Variants in MYO3A observed in about 807,000 individuals in gnomAD.
MYO3A encodes the protein myosin-IIIa.
Under a neutral mutation model 192.7 loss-of-function variants are expected in MYO3A, and 180 were observed. The ratio of observed to expected loss-of-function variants is 0.93; its 90% CI spans 0.83 to 1.06. The LOEUF (loss-of-function observed/expected upper bound fraction) is 1.06. MYO3A is among the 50% of genes least tolerant of loss of function. The probability of loss-of-function intolerance (pLI) is 0.00; values close to 1 mark genes in which losing one functional copy is unlikely to be tolerated. For missense variants in MYO3A, 1,896 were observed against 1,905.0 expected (o/e 1.00, Z 0.09); for synonymous variants, 628 against 645.3 (o/e 0.97, Z 0.41).
At chr10:25,957,631 A>G (rs529559701) in intron 4 of MYO3A, among the ~76,000 whole-genome samples, 2 of 152,258 alleles carry the variant, frequency 1.3e-5, no homozygotes, top group East Asian at 1.9e-4. Context: ...GCTGGGTTTC[A>G]TGGTAGTTCT....
At chr10:26,084,233 T>G (rs543530052) in intron 14 of MYO3A, among the ~76,000 whole-genome samples, 19 of 152,342 alleles carry the variant, frequency 1.2e-4, no homozygotes, top group Admixed American at 8.5e-4. Context: ...GTTAATATGT[T>G]GAATCATATT....
At chr10:25,965,996 G>A (rs1213805197) in intron 4 of MYO3A, among the ~76,000 whole-genome samples, 2 of 150,618 alleles carry the variant, frequency 1.3e-5, no homozygotes, top group South Asian at 2.1e-4. Context: ...GCCTCCTTCA[G>A]CAATATGAAG....
At chr10:26,119,326 C>T (rs1418816494) in intron 17 of MYO3A, among the ~76,000 whole-genome samples, 1 of 152,098 alleles carries the variant, frequency 6.6e-6, no homozygotes. Flanking sequence ...GTCTGCCTCC[C>T]CACGGCCTGA....
At chr10:26,077,245 T>TTG (rs1835646230) in intron 14 of MYO3A, among the ~76,000 whole-genome samples, 1 of 144,752 alleles carries the variant, frequency 6.9e-6, no homozygotes, top group African/African-American at 2.5e-5. Flanking sequence ...TTTTTTTTTT[T>TTG]TTTTTTTTTT....
At chr10:25,946,974 G>A (rs925178783) in intron 2 of MYO3A, among the ~76,000 whole-genome samples, 2 of 149,490 alleles carry the variant, frequency 1.3e-5, no homozygotes, top group African/African-American at 4.9e-5. Context: ...AATTTGTGAG[G>A]TTTTTGGCCA....
chr10:25,972,841 T>C (rs2130741327), intron 4 of MYO3A, among the ~76,000 whole-genome samples: 1 of 152,240 alleles, frequency 6.6e-6, no homozygotes, highest in Middle Eastern at 3.4e-3. Flanking sequence ...TGTCAGCTGA[T>C]TCCTCTGTTG....
intron 4 of MYO3A, among the ~76,000 whole-genome samples, chr10:25,971,646 A>G (rs1257726737): frequency 3.3e-5 from 5 of 152,100 alleles, no homozygotes; most frequent in Non-Finnish European, 7.4e-5. Context: ...TTTTTCCTTT[A>G]GCACCTTGAA....
intron 31 of MYO3A, among the ~76,000 whole-genome samples, chr10:26,184,878 G>C (rs953727221): frequency 8.5e-5 from 13 of 152,152 alleles, no homozygotes; most frequent in African/African-American, 3.1e-4. Context: ...TGTAATTAAG[G>C]GGTTAGGATG....
intron 17 of MYO3A, among the ~76,000 whole-genome samples, chr10:26,097,356 CA>C (rs964386065): frequency 6.6e-6 from 1 of 151,792 alleles, no homozygotes; most frequent in Non-Finnish European, 1.5e-5. Flanking sequence ...ATCAGTACTT[CA>C]TTTTTTTTTA....
intron 10 of MYO3A, among the ~76,000 whole-genome samples, chr10:26,055,430 A>G (rs978916466): frequency 6.6e-6 from 1 of 151,466 alleles, no homozygotes; most frequent in African/African-American, 2.4e-5. Flanking sequence ...TACAGAAAAT[A>G]TCAGCTTATT....
intron 17 of MYO3A, among the ~76,000 whole-genome samples, chr10:26,101,122 A>G (rs547979206): frequency 9.9e-5 from 15 of 152,108 alleles, no homozygotes; most frequent in South Asian, 8.3e-4. Flanking sequence ...AGCTCTTCTT[A>G]TTGAATTGAT....
intron 8 of MYO3A, 80 bp from the exon 9 acceptor site, chr10:26,023,942 A>G (rs747564316): frequency 3.1e-5 from 39 of 1,253,790 alleles, no homozygotes; most frequent in Non-Finnish European, 4.6e-5. Context: ...CTAGGATTGC[A>G]TTAGTCTATC....
intron 17 of MYO3A, among the ~76,000 whole-genome samples, chr10:26,101,874 T>C (rs568042252): frequency 1.1e-4 from 17 of 152,142 alleles, no homozygotes; most frequent in Non-Finnish European, 1.6e-4. Flanking sequence ...AATTATGTGT[T>C]TTGGAGTTGC....
intron 29 of MYO3A, among the ~76,000 whole-genome samples, chr10:26,171,230 T>C (rs547136934): frequency 6.6e-6 from 1 of 152,274 alleles, no homozygotes; most frequent in South Asian, 2.1e-4. Context: ...GTGGTGAAAC[T>C]TGAATTTATC....
intron 26 of MYO3A, among the ~76,000 whole-genome samples, chr10:26,162,030 C>T (rs11014976): frequency 0.42 from 63,280 of 152,070 alleles, 13,335 homozygotes; most frequent in Middle Eastern, 0.52. Context: ...TTAAGAAACT[C>T]ACAGACCTGT....
chr10:26,184,997 A>C (rs1842794522), intron 31 of MYO3A, among the ~76,000 whole-genome samples: 1 of 152,344 alleles, frequency 6.6e-6, no homozygotes, highest in African/African-American at 2.4e-5. Flanking sequence ...TGATAAGCTC[A>C]TGGGAAGTTT....
chr10:25,942,208 G>A (rs1341205673), intron 2 of MYO3A, among the ~76,000 whole-genome samples: 2 of 151,902 alleles, frequency 1.3e-5, no homozygotes, highest in African/African-American at 4.8e-5. Flanking sequence ...CACCATGTTG[G>A]CCAGGCCGGT....
intron 20 of MYO3A, among the ~76,000 whole-genome samples, chr10:26,135,897 C>T (rs1839818889): frequency 6.9e-6 from 1 of 145,328 alleles, no homozygotes; most frequent in African/African-American, 2.6e-5. Context: ...ACCCAGGGGC[C>T]AGAGGTTGCA....
chr10:26,004,540 C>T (rs1164090809), intron 6 of MYO3A, among the ~76,000 whole-genome samples: 2 of 151,948 alleles, frequency 1.3e-5, no homozygotes, highest in Non-Finnish European at 2.9e-5. Context: ...ATTAAGAGAG[C>T]ACATCTAGCA....
Sources: allele counts gnomAD v4.1 joint callset (sites outside exome capture counted in the v4.1 genomes callset), GRCh38; gene constraint gnomAD v4.1.1; transcripts MANE v1.5; gene names NCBI Gene and HGNC (gene_info 2026-07-23, HGNC 2026-07-21).